CFAP61: variants seen among roughly 807,000 people sequenced by gnomAD.
The protein encoded by CFAP61 is cilia and flagella associated protein 61, also known as cilia- and flagella-associated protein 61.
Under a neutral mutation model 135.6 loss-of-function variants are expected in CFAP61, and 107 were observed. The ratio of observed to expected loss-of-function variants is 0.79; its 90% CI spans 0.67 to 0.93. CFAP61 has a LOEUF of 0.93. Among genes scored for constraint, CFAP61 ranks in the 40% least tolerant of loss-of-function variants. The pLI, the probability that CFAP61 is intolerant of heterozygous loss-of-function variation, is 0.00. For synonymous variants in CFAP61, 575 were observed against 578.5 expected (o/e 0.99, Z 0.09); for missense variants, 1,507 against 1,556.2 (o/e 0.97, Z 0.53).
At chr20:20,325,225 G>T in intron 25 of CFAP61, among the ~76,000 whole-genome samples, 1 of 152,152 alleles carries the variant, frequency 6.6e-6, no homozygotes, top group Non-Finnish European at 1.5e-5. Context: ...AAACAATATT[G>T]ATACATTATT....
chr20:20,315,854 A>C (rs977241203), intron 25 of CFAP61, among the ~76,000 whole-genome samples: 1 of 152,116 alleles, frequency 6.6e-6, no homozygotes. Flanking sequence ...TTGTAGATAC[A>C]TGGCGTTATT....
At chr20:20,302,938 A>G (rs1273454606) in intron 25 of CFAP61, among the ~76,000 whole-genome samples, 1 of 152,178 alleles carries the variant, frequency 6.6e-6, no homozygotes, top group Non-Finnish European at 1.5e-5. Flanking sequence ...TTCAAATATA[A>G]ACTACGTTTT....
chr20:20,056,970 C>A (rs1258044819), intron 2 of CFAP61, among the ~76,000 whole-genome samples, 174 bp downstream of exon 2: 2 of 151,836 alleles, frequency 1.3e-5, no homozygotes, highest in Admixed American at 1.3e-4. Context: ...ATACAATAAT[C>A]AGCTGGGCGT....
chr20:20,152,546 GA>G (rs958996214), intron 9 of CFAP61, among the ~76,000 whole-genome samples: 2 of 152,054 alleles, frequency 1.3e-5, no homozygotes, highest in Non-Finnish European at 2.9e-5. Context: ...CATGCAAATG[GA>G]AACCAAAAAT....
intron 18 of CFAP61, among the ~76,000 whole-genome samples, chr20:20,229,113 A>G (rs1023594197): frequency 6.6e-6 from 1 of 152,120 alleles, no homozygotes; most frequent in Admixed American, 6.5e-5. Flanking sequence ...CCCTCAAAGC[A>G]CTAAACAAGG....
At chr20:20,220,490 G>A (rs1032686822) in intron 17 of CFAP61, among the ~76,000 whole-genome samples, 9 of 152,104 alleles carry the variant, frequency 5.9e-5, no homozygotes, top group Non-Finnish European at 1.2e-4. Flanking sequence ...AGAAGTACAG[G>A]TGGCAACATG....
intron 24 of CFAP61, among the ~76,000 whole-genome samples, chr20:20,294,238 A>G (rs932563626): frequency 6.6e-6 from 1 of 152,234 alleles, no homozygotes; most frequent in Non-Finnish European, 1.5e-5. Context: ...GCAGCTTTCT[A>G]TGAGCAATTG....
chr20:20,212,345 C>A (rs900371453), intron 17 of CFAP61, among the ~76,000 whole-genome samples: 1 of 152,184 alleles, frequency 6.6e-6, no homozygotes, highest in Admixed American at 6.5e-5. Flanking sequence ...TACGTAAATA[C>A]ATACACACAG....
intron 17 of CFAP61, among the ~76,000 whole-genome samples, chr20:20,226,608 C>G (rs2048752082): frequency 6.6e-6 from 1 of 152,162 alleles, no homozygotes; most frequent in South Asian, 2.1e-4. Flanking sequence ...CTGTGTGATT[C>G]TCTTGGGGCT....
chr20:20,241,392 A>T (rs2050004279), intron 18 of CFAP61, among the ~76,000 whole-genome samples: 1 of 152,210 alleles, frequency 6.6e-6, no homozygotes, highest in Non-Finnish European at 1.5e-5. Flanking sequence ...AAAAGAGTGG[A>T]AACCTGTTTT....
chr20:20,142,790 A>G, intron 8 of CFAP61, 67 bp from the exon 9 acceptor site: 1 of 890,652 alleles, frequency 1.1e-6, no homozygotes, highest in Non-Finnish European at 1.8e-6. Flanking sequence ...CATGCTGTCT[A>G]ATTTCCTGTG....
At chr20:20,316,939 C>T (rs62200190) in intron 25 of CFAP61, 29,152 of 141,602 alleles carry the variant, frequency 0.21, 4,125 homozygotes, top group African/African-American at 0.39. Flanking sequence ...TGCAGTGGCA[C>T]GATCTTGGCT....
rs1601610411 is a variant in CFAP61 at position 20,249,038 on chromosome 20, T to G, written c.2160-2557T>G. On this transcript the variant is annotated intron_variant, in intron 19 of 26. Transcript: ENST00000245957. ...CTTTGGTTCCTTCTCTGTTTTCGGA[T>G]GAAGCCTAGTGGAGGTATTTCTCTC... is the stretch of plus-strand genomic sequence containing the variant. Among the ~76,000 whole-genome samples, 5 of 152,334 alleles carry G rather than the reference T, an allele frequency of 3.3e-5. No individual in the cohort carries two copies. The South Asian group carries it at 1.0e-3, about 32-fold the overall frequency.
At chr20:20,063,274 G>A (rs1425651022) in intron 2 of CFAP61, among the ~76,000 whole-genome samples, 5 of 152,060 alleles carry the variant, frequency 3.3e-5, no homozygotes, top group Admixed American at 6.6e-5. Flanking sequence ...GACAAAGACA[G>A]TACAAGAAAG....
intron 13 of CFAP61, 51 bp downstream of exon 13, chr20:20,169,511 G>A (rs761031509): frequency 1.4e-6 from 2 of 1,479,380 alleles, no homozygotes; most frequent in South Asian, 1.5e-5. Flanking sequence ...TTACAGAAGA[G>A]AAGGGAACAA....
At chr20:20,102,059 C>T (rs2146645624) in intron 8 of CFAP61, among the ~76,000 whole-genome samples, 1 of 152,330 alleles carries the variant, frequency 6.6e-6, no homozygotes, top group South Asian at 2.1e-4. Flanking sequence ...GAATCTTCAC[C>T]TCTGTGTCTG....
intron 18 of CFAP61, among the ~76,000 whole-genome samples, chr20:20,241,900 T>C (rs2050036747): frequency 6.6e-6 from 1 of 152,186 alleles, no homozygotes; most frequent in Non-Finnish European, 1.5e-5. Context: ...GTGACCTTTA[T>C]GTTATTTGAA....
intron 25 of CFAP61, among the ~76,000 whole-genome samples, chr20:20,321,793 C>G (rs186574823): frequency 1.1e-4 from 17 of 152,296 alleles, no homozygotes; most frequent in Non-Finnish European, 2.4e-4. Flanking sequence ...TGACTGCAAA[C>G]CATTTGGCCC....
At chr20:20,175,497 T>TTGTTC (rs1455575119) in intron 13 of CFAP61, among the ~76,000 whole-genome samples, 3 of 2,982 alleles carry the variant, frequency 1.0e-3, no homozygotes, top group African/African-American at 0.01. Context: ...TGTTTTTGTT[T>TTGTTC]TGTTTTGTTT....
Sources: gnomAD v4.1 joint callset for allele counts (sites outside exome capture counted in the v4.1 genomes callset) on GRCh38, gnomAD v4.1.1 for gene constraint, MANE v1.5 for transcripts, NCBI Gene and HGNC (gene_info 2026-07-23, HGNC 2026-07-21) for gene names.